DDI2: variants seen among roughly 807,000 people sequenced by gnomAD.
The protein encoded by DDI2 is DDI proteasomal shuttling factor 2.
In DDI2, 5 loss-of-function variants were observed where a neutral mutation model predicts 48.1. That is an observed-to-expected ratio of 0.10 (90% confidence interval 0.05 to 0.22). The LOEUF is 0.22. Ranked by LOEUF, DDI2 falls within the 10% of genes least tolerant of loss-of-function variation. The pLI, the probability that DDI2 is intolerant of heterozygous loss-of-function variation, is 1.00. For synonymous variants in DDI2, 205 were observed against 183.6 expected, an observed-to-expected ratio of 1.12 and a Z score of -0.94; for missense variants, 285 against 506.2, an observed-to-expected ratio of 0.56 and a Z score of 4.19.
chr1:15,617,654 C>G lies in DDI2; in HGVS notation c.-17C>G. On this transcript the variant is annotated 5_prime_UTR_variant, in exon 1 of 10. Coordinates refer to ENST00000480945, the MANE Select transcript of DDI2 (RefSeq NM_032341.5). ...CAGGCCGGGCCGAGCCGAGCCGAGC[C>G]GGGTCGGGCCCGGGCCATGCTGCTC... The G allele has an allele frequency of 7.0e-7, 1 of 1,418,450 alleles. No individual in the cohort carries two copies. 87.9% of individuals were successfully genotyped at this position (1,418,450 alleles called of 1,614,324 possible). A position where few individuals can be genotyped will look rare whatever the true frequency, so the allele number is the denominator to read the frequency against.
At chr1:15,658,811 T>C (rs17448778) in intron 9 of DDI2, among the ~76,000 whole-genome samples, 59,707 of 151,404 alleles carry the variant, frequency 0.39, 14,973 homozygotes, top group African/African-American at 0.71. Flanking sequence ...TTAACTGGAT[T>C]GGTGGCAAAA....
At chr1:15,631,768 A>G (rs909496310) in intron 3 of DDI2, among the ~76,000 whole-genome samples, 3 of 151,268 alleles carry the variant, frequency 2.0e-5, no homozygotes, top group Non-Finnish European at 4.4e-5. Context: ...AACTTCATGT[A>G]TATGGAATAA....
At position 15,660,269 on chromosome 1, in the gene DDI2, C is replaced by A. The variant is rs757473323; in HGVS notation, c.*479C>A. On this transcript the variant is annotated 3_prime_UTR_variant, in exon 10 of 10. Transcript: ENST00000480945. ...CATACAAGACAGGAAGCTAGTTTAT[C>A]TGTCACATCTACTAGGATGCATGAA... 1 of 1,614,194 alleles carries A rather than the reference C, an allele frequency of 6.2e-7. No homozygotes were observed. Among genetic ancestry groups the A allele is most frequent in the Non-Finnish European group, 8.5e-7 (1 of 1,180,036 alleles).
chr1:15,634,498 G>C (rs1639896572), intron 4 of DDI2, among the ~76,000 whole-genome samples: 1 of 140,238 alleles, frequency 7.1e-6, no homozygotes, highest in Admixed American at 7.1e-5. Flanking sequence ...TATCAACTTA[G>C]AAATTAAATC....
intron 1 of DDI2, 85 bp from the exon 2 acceptor site, chr1:15,626,584 T>G (rs900978850): frequency 3.2e-6 from 5 of 1,567,708 alleles, no homozygotes. Flanking sequence ...GGGTGACATC[T>G]GATTCAGGGG....
Position 15,634,539 on chromosome 1 carries a change from C to CTTTTTTTTTTTTTTTTTTT in DDI2, c.632+985_632+986insTTTTTTTTTTTTTTTTTTT, listed in dbSNP as rs370728497. ...TTTTTAAACTTCTTATTCTTTTTAT[C>CTTTTTTTTTTTTTTTTTTT]TTTTTTTTTTTGAGACAAGGTCTCA... On this transcript the variant is annotated intron_variant, in intron 4 of 9. Transcript: ENST00000480945. 7.1e-4 allele frequency among the ~76,000 whole-genome samples: 71 copies of CTTTTTTTTTTTTTTTTTTT among 100,132 alleles called. 8 individuals are homozygous for CTTTTTTTTTTTTTTTTTTT. Among genetic ancestry groups the CTTTTTTTTTTTTTTTTTTT allele is most frequent in the African/African-American group, 1.0e-3 (23 of 22,176 alleles). The allele number at this position is 100,132 out of a possible 152,430, so 65.7% of individuals were successfully genotyped here. A position where few individuals can be genotyped will look rare whatever the true frequency, so the allele number is the denominator to read the frequency against.
intron 6 of DDI2, among the ~76,000 whole-genome samples, chr1:15,644,963 C>T (rs1640067017): frequency 6.6e-6 from 1 of 151,966 alleles, no homozygotes; most frequent in South Asian, 2.1e-4. Context: ...GATCTCAGCT[C>T]ACTGCAACCT....
chr1:15,632,600 C>T (rs1639862759), intron 3 of DDI2, among the ~76,000 whole-genome samples: 1 of 152,154 alleles, frequency 6.6e-6, no homozygotes, highest in East Asian at 1.9e-4. Context: ...AGTGTTTTCT[C>T]TACTAATTTT....
At chr1:15,659,636 CA>C (rs1261222700) in intron 9 of DDI2, among the ~76,000 whole-genome samples, 200 bp from the exon 10 acceptor site, 1 of 152,206 alleles carries the variant, frequency 6.6e-6, no homozygotes. Context: ...TTATTAAGAA[CA>C]TGTCTACCTC....
At chr1:15,642,308 C>T (rs1290119179) in intron 5 of DDI2, among the ~76,000 whole-genome samples, 1 of 152,188 alleles carries the variant, frequency 6.6e-6, no homozygotes, top group Non-Finnish European at 1.5e-5. Context: ...AGAAAATAAC[C>T]TAAGTGCCCT....
At chr1:15,646,561 C>T (rs1302779927) in intron 6 of DDI2, among the ~76,000 whole-genome samples, 1 of 152,054 alleles carries the variant, frequency 6.6e-6, no homozygotes, top group East Asian at 1.9e-4. Flanking sequence ...GTGGCGGGTG[C>T]CTGTAATCCC....
chr1:15,638,544 T>C, intron 5 of DDI2, 110 bp downstream of exon 5: 2 of 1,314,944 alleles, frequency 1.5e-6, no homozygotes, highest in Non-Finnish European at 2.1e-6. Context: ...TTTTTTTTTT[T>C]TTTTTTTTGA....
chr1:15,632,935 A>ATTTTTTTT (rs1557614987), intron 3 of DDI2, among the ~76,000 whole-genome samples: 43 of 79,096 alleles, frequency 5.4e-4, no homozygotes, highest in African/African-American at 2.6e-3. Flanking sequence ...TTTTTTTAAA[A>ATTTTTTTT]AAAAAAAAAC....
intron 8 of DDI2, among the ~76,000 whole-genome samples, chr1:15,655,250 T>C (rs1640253385): frequency 6.6e-6 from 1 of 152,206 alleles, no homozygotes; most frequent in South Asian, 2.1e-4. Flanking sequence ...TCAGGTCCTT[T>C]TTATTTAGAA....
rs982266430 is a variant in DDI2 at position 15,665,282 on chromosome 1, G to T, written c.*5492G>T. Reference sequence around the variant, plus strand: ...TGTCTCAAAAAAAAAAAAAAAAAAGGTAACCAGTTGCTTGGCAAAGGAAGC... The same window carrying T: ...TGTCTCAAAAAAAAAAAAAAAAAAGTTAACCAGTTGCTTGGCAAAGGAAGC... On this transcript the variant is annotated 3_prime_UTR_variant, in exon 10 of 10. Transcript: ENST00000480945. 7.5e-6 allele frequency: 1 copy of T among 133,940 alleles called. No homozygotes were observed. The highest frequency in any genetic ancestry group is 7.1e-5 in the Admixed American group (1 of 14,050). The allele number at this position is 133,940 out of a possible 1,614,324, so 8.3% of individuals were successfully genotyped here. A position where few individuals can be genotyped will look rare whatever the true frequency, so the allele number is the denominator to read the frequency against.
chr1:15,618,098 C>T (rs957237851), intron 1 of DDI2, among the ~76,000 whole-genome samples: 18 of 152,188 alleles, frequency 1.2e-4, no homozygotes, highest in Non-Finnish European at 5.9e-5. Context: ...CTAACCCTCC[C>T]CACCTTTGGC....
chr1:15,654,914 T>C (rs1453038499), intron 8 of DDI2, among the ~76,000 whole-genome samples: 3 of 151,478 alleles, frequency 2.0e-5, no homozygotes, highest in Admixed American at 2.0e-4. Flanking sequence ...AATATGAGGA[T>C]ATATTATCAT....
At chr1:15,656,390 A>T (rs1640274388) in intron 8 of DDI2, 1 of 1,399,422 alleles carries the variant, frequency 7.1e-7, no homozygotes. Flanking sequence ...TTTCTTTACA[A>T]GATCTATTAA....
chr1:15,630,362 T>C lies in DDI2; in HGVS notation c.306T>C (p.Pro102=), dbSNP rs1283829661. 3 of 1,614,242 alleles carry C rather than the reference T, an allele frequency of 1.9e-6. No homozygotes were observed. In the Admixed American group the frequency reaches 5.0e-5, roughly 27 times the overall value. The change falls in exon 3 of 10, where the codon CCT becomes CCC. Residue 102 remains proline (P), a synonymous_variant. Transcript: ENST00000480945. ...PRIDFSSIAV[P]GTSSPRQRQP... ...TAGATTTCAGTAGTATAGCTGTGCC[T>C]GGCACATCAAGTCCCCGGCAGCGCC...
Sources: gnomAD v4.1 joint callset for allele counts (sites outside exome capture counted in the v4.1 genomes callset) on GRCh38, gnomAD v4.1.1 for gene constraint, MANE v1.5 for transcripts, NCBI Gene and HGNC (gene_info 2026-07-23, HGNC 2026-07-21) for gene names.